PSD3: variants seen among roughly 807,000 people sequenced by gnomAD.
PSD3 encodes PH and SEC7 domain-containing protein 3.
Under a neutral mutation model 105.5 loss-of-function variants are expected in PSD3, and 49 were observed. The ratio of observed to expected loss-of-function variants is 0.46; its 90% CI spans 0.37 to 0.59. The LOEUF is 0.59. PSD3 is among the 20% of genes least tolerant of loss of function. The pLI is 0.00. For synonymous variants in PSD3, 557 were observed against 457.8 expected (o/e 1.22, Z -2.77); for missense variants, 1,561 against 1,263.8 (o/e 1.24, Z -3.57).
At chr8:18,566,877 T>C (rs566801358) in intron 14 of PSD3, among the ~76,000 whole-genome samples, 1 of 152,336 alleles carries the variant, frequency 6.6e-6, no homozygotes, top group East Asian at 1.9e-4. Context: ...CCAGTGTAAG[T>C]CATCTGTTAG....
intron 3 of PSD3, among the ~76,000 whole-genome samples, chr8:18,869,353 C>T (rs1817173049): frequency 6.6e-6 from 1 of 152,028 alleles, no homozygotes; most frequent in Non-Finnish European, 1.5e-5. Context: ...CAACGCCTGG[C>T]TAATTTTGTA....
At chr8:18,999,205 T>C (rs1358242917) in intron 1 of PSD3, among the ~76,000 whole-genome samples, 1 of 151,966 alleles carries the variant, frequency 6.6e-6, no homozygotes, top group Non-Finnish European at 1.5e-5. Context: ...GGTTTGCTTT[T>C]GTTTCTGAAG....
intron 2 of PSD3, among the ~76,000 whole-genome samples, chr8:18,916,885 A>G (rs1820651884): frequency 6.6e-6 from 1 of 150,952 alleles, no homozygotes; most frequent in Admixed American, 6.7e-5. Flanking sequence ...GCTGAAGGAA[A>G]TGAAAAAAAA....
intron 9 of PSD3, among the ~76,000 whole-genome samples, chr8:18,691,225 G>C (rs889855313): frequency 2.0e-5 from 3 of 152,132 alleles, no homozygotes; most frequent in Non-Finnish European, 4.4e-5. Context: ...AAGTTAAACA[G>C]TTTTGAACCT....
chr8:18,983,060 C>T (rs374095430), intron 1 of PSD3, among the ~76,000 whole-genome samples: 1 of 152,330 alleles, frequency 6.6e-6, no homozygotes, highest in East Asian at 1.9e-4. Context: ...CATCAATGGT[C>T]TTAGCTAGAT....
At chr8:19,007,423 C>T (rs1826738437) in intron 1 of PSD3, among the ~76,000 whole-genome samples, 1 of 152,070 alleles carries the variant, frequency 6.6e-6, no homozygotes, top group Non-Finnish European at 1.5e-5. Flanking sequence ...TTAAATCTCA[C>T]TAGCCACATT....
intron 1 of PSD3, among the ~76,000 whole-genome samples, chr8:19,063,768 G>C (rs1182274709): frequency 6.6e-6 from 1 of 152,128 alleles, no homozygotes; most frequent in East Asian, 1.9e-4. Context: ...GGATTCCTTA[G>C]TCTTAAAATA....
At chr8:18,757,882 T>C (rs899020643) in intron 9 of PSD3, among the ~76,000 whole-genome samples, 7 of 152,248 alleles carry the variant, frequency 4.6e-5, no homozygotes, top group African/African-American at 1.7e-4. Context: ...CATTACACTG[T>C]ACTCAGTACT....
chr8:18,667,278 C>CT (rs1184253616), intron 9 of PSD3, among the ~76,000 whole-genome samples: 5 of 152,108 alleles, frequency 3.3e-5, no homozygotes, highest in Non-Finnish European at 7.4e-5. Flanking sequence ...ATTTACAATC[C>CT]CTGAGCTAGA....
chr8:18,922,691 G>A (rs984579810), intron 2 of PSD3, among the ~76,000 whole-genome samples: 1 of 152,154 alleles, frequency 6.6e-6, no homozygotes, highest in Non-Finnish European at 1.5e-5. Context: ...GCCGTAGGTT[G>A]TTTCACCTGC....
At chr8:18,944,459 T>G (rs1822737145) in intron 1 of PSD3, among the ~76,000 whole-genome samples, 1 of 151,988 alleles carries the variant, frequency 6.6e-6, no homozygotes, top group Non-Finnish European at 1.5e-5. Flanking sequence ...TAATCCCAGC[T>G]ACTTGGGAGG....
chr8:18,999,554 TGA>T (rs3042927), intron 1 of PSD3, among the ~76,000 whole-genome samples: 105,921 of 151,336 alleles, frequency 0.7, 37,885 homozygotes, highest in East Asian at 0.9. Flanking sequence ...ATAAGCATAA[TGA>T]GAGAGAGAGG....
chr8:18,941,665 CT>C (rs869259596), intron 1 of PSD3, among the ~76,000 whole-genome samples: 9,812 of 107,484 alleles, frequency 0.091, 151 homozygotes, highest in Middle Eastern at 0.19. Flanking sequence ...TGTAGAATGA[CT>C]TTTTTTTTTT....
At chr8:18,787,250 C>T (rs115038700) in intron 8 of PSD3, among the ~76,000 whole-genome samples, 2 of 152,076 alleles carry the variant, frequency 1.3e-5, no homozygotes, top group African/African-American at 2.4e-5. Context: ...CAGTTGCATG[C>T]CAATAAAGTA....
chr8:18,978,855 C>A (rs920036878), intron 1 of PSD3, among the ~76,000 whole-genome samples: 1 of 152,158 alleles, frequency 6.6e-6, no homozygotes, highest in Non-Finnish European at 1.5e-5. Context: ...CCCTTCCTCT[C>A]TCCTACCCTC....
chr8:18,617,543 A>G (rs1805788160), intron 11 of PSD3, among the ~76,000 whole-genome samples: 1 of 152,184 alleles, frequency 6.6e-6, no homozygotes, highest in African/African-American at 2.4e-5. Context: ...AAAACAAACA[A>G]ACAAAACTCT....
chr8:19,016,489 C>T (rs191479381), upstream of PSD3, among the ~76,000 whole-genome samples: 174 of 152,198 alleles, frequency 1.1e-3, no homozygotes, highest in Non-Finnish European at 1.4e-3. Context: ...ACAACATGAA[C>T]GTTTATTTAG....
intron 9 of PSD3, among the ~76,000 whole-genome samples, chr8:18,728,950 G>T (rs1319257750): frequency 1.3e-5 from 2 of 152,152 alleles, no homozygotes; most frequent in Non-Finnish European, 2.9e-5. Context: ...TTTAAGAAAA[G>T]CAGAGATCTG....
At chr8:18,692,540 A>G (rs1801028055) in intron 9 of PSD3, among the ~76,000 whole-genome samples, 1 of 152,188 alleles carries the variant, frequency 6.6e-6, no homozygotes, top group African/African-American at 2.4e-5. Context: ...GAGCAACCAG[A>G]AGAAAATCAG....
Sources: allele counts gnomAD v4.1 joint callset (sites outside exome capture counted in the v4.1 genomes callset), GRCh38; gene constraint gnomAD v4.1.1; transcripts MANE v1.5; gene names NCBI Gene and HGNC (gene_info 2026-07-23, HGNC 2026-07-21).